The following TENM2 variants were observed in gnomAD, a reference collection of about 807,000 sequenced individuals.
TENM2 encodes the protein teneurin transmembrane protein 2.
TENM2 carries 52 observed loss-of-function variants against 245.2 expected under a neutral mutation model. The observed-to-expected ratio is 0.21, with a 90% CI of 0.17 to 0.27. The LOEUF (loss-of-function observed/expected upper bound fraction) is 0.27, where lower values mean the gene tolerates loss of function less well. Among genes scored for constraint, TENM2 ranks in the 10% least tolerant of loss-of-function variants. TENM2 has a pLI of 1.00. For missense variants in TENM2, 3,046 were observed against 3,666.8 expected, an observed-to-expected ratio of 0.83 and a Z score of 4.37; for synonymous variants, 1,363 against 1,438.9, an observed-to-expected ratio of 0.95 and a Z score of 1.19.
the TENM2 span, among the ~76,000 whole-genome samples, chr5:167,164,778 G>A: frequency 2.6e-5 from 4 of 152,112 alleles, no homozygotes; most frequent in East Asian, 1.9e-4. Context: ...CTCGAATCTC[G>A]AATGACTCAG....
At chr5:168,236,955 TATATATATATATATATATATATATATA>T (rs1765492450) in intron 25 of TENM2, among the ~76,000 whole-genome samples, 1 of 4,142 alleles carries the variant, frequency 2.4e-4, no homozygotes, top group Non-Finnish European at 7.6e-4. Context: ...TATATATATA[TATATATATATATATATATATATATATA>T]TATATATATA....
chr5:167,302,520 G>T (rs1010492851), intron 1 of TENM2, among the ~76,000 whole-genome samples: 2 of 150,150 alleles, frequency 1.3e-5, no homozygotes, highest in African/African-American at 5.0e-5. Flanking sequence ...AGAGGTCGGG[G>T]CATGGAAATA....
chr5:167,640,096 G>T (rs989256691), intron 2 of TENM2, among the ~76,000 whole-genome samples: 3 of 152,070 alleles, frequency 2.0e-5, no homozygotes, highest in Non-Finnish European at 2.9e-5. Flanking sequence ...AATCTGTCTG[G>T]TTGTGGTTGT....
chr5:168,158,850 T>TATATATATATATATATATATATAC (rs1339051385), intron 12 of TENM2, among the ~76,000 whole-genome samples: 6 of 62,320 alleles, frequency 9.6e-5, no homozygotes, highest in South Asian at 4.5e-4. Flanking sequence ...TATATATATA[T>TATATATATATATATATATATATAC]ACACACACAC....
At chr5:168,088,242 C>T (rs1259118273) in intron 7 of TENM2, 1 of 152,184 alleles carries the variant, frequency 6.6e-6, no homozygotes, top group Non-Finnish European at 1.5e-5. Flanking sequence ...AAGGAAGTTA[C>T]AGCCATTCCT....
At chr5:167,885,246 A>G (rs530276335) in intron 3 of TENM2, among the ~76,000 whole-genome samples, 1 of 152,226 alleles carries the variant, frequency 6.6e-6, no homozygotes, top group African/African-American at 2.4e-5. Flanking sequence ...AAAAGTTTTT[A>G]ATCTTGGTGT....
At chr5:167,254,843 C>G in the TENM2 span, among the ~76,000 whole-genome samples, 1 of 151,906 alleles carries the variant, frequency 6.6e-6, no homozygotes, top group Non-Finnish European at 1.5e-5. Context: ...AGGACAGACC[C>G]TTTTAGGAAG....
At chr5:167,329,551 CAAAAAA>C (rs34165505) in intron 1 of TENM2, among the ~76,000 whole-genome samples, 1 of 21,946 alleles carries the variant, frequency 4.6e-5, no homozygotes, top group Non-Finnish European at 7.8e-5. Flanking sequence ...GACTCAGTCT[CAAAAAA>C]AAAAAAAAAA....
intron 2 of TENM2, among the ~76,000 whole-genome samples, chr5:167,850,750 A>T (rs1449402987): frequency 9.9e-5 from 15 of 152,082 alleles, no homozygotes; most frequent in Admixed American, 9.8e-4. Flanking sequence ...TCTCCAAACC[A>T]CCTGGGCTGT....
intron 17 of TENM2, among the ~76,000 whole-genome samples, chr5:168,200,608 G>A (rs1343491675): frequency 6.6e-6 from 1 of 152,152 alleles, no homozygotes; most frequent in Non-Finnish European, 1.5e-5. Flanking sequence ...GGTGGTCAGG[G>A]GCTAGTTCAT....
intron 2 of TENM2, among the ~76,000 whole-genome samples, chr5:167,541,640 T>C (rs1303551919): frequency 6.6e-6 from 1 of 152,162 alleles, no homozygotes; most frequent in Non-Finnish European, 1.5e-5. Context: ...TTCAAATTGC[T>C]TTAAGTGTTC....
intron 2 of TENM2, among the ~76,000 whole-genome samples, chr5:167,857,519 G>T (rs908537169): frequency 6.6e-6 from 1 of 152,162 alleles, no homozygotes; most frequent in Non-Finnish European, 1.5e-5. Flanking sequence ...TGTTCATACA[G>T]GCCTACAGTA....
intron 2 of TENM2, among the ~76,000 whole-genome samples, chr5:167,398,350 C>T (rs996584784): frequency 2.7e-5 from 4 of 149,488 alleles, no homozygotes; most frequent in Non-Finnish European, 5.9e-5. Flanking sequence ...TCTTTCTTTC[C>T]TTCTTTCTTT....
chr5:168,263,125 G>A (rs190544137), downstream of TENM2: 10 of 272,292 alleles, frequency 3.7e-5, no homozygotes, highest in East Asian at 3.2e-4. Context: ...GAAAAGAGAC[G>A]CAAAGTGTCC....
chr5:167,225,738 G>T, the TENM2 span, among the ~76,000 whole-genome samples: 2 of 152,008 alleles, frequency 1.3e-5, no homozygotes, highest in African/African-American at 2.4e-5. Context: ...GAGAAGGATT[G>T]GTTTTCTTTC....
At chr5:167,302,017 G>A (rs1466112671) in intron 1 of TENM2, among the ~76,000 whole-genome samples, 1 of 152,076 alleles carries the variant, frequency 6.6e-6, no homozygotes, top group African/African-American at 2.4e-5. Context: ...AAAGACTCAC[G>A]ACGCTTGGGG....
At chr5:167,915,225 G>A (rs1776845375) in intron 3 of TENM2, among the ~76,000 whole-genome samples, 1 of 151,938 alleles carries the variant, frequency 6.6e-6, no homozygotes. Context: ...GTCCATTACT[G>A]CAAAAAAAGG....
the TENM2 span, among the ~76,000 whole-genome samples, chr5:167,084,173 C>A: frequency 3.3e-5 from 5 of 150,820 alleles, no homozygotes; most frequent in Admixed American, 1.3e-4. Flanking sequence ...CACACTTTCT[C>A]AAGTTCCCTG....
At chr5:167,589,125 A>G (rs1324540563) in intron 2 of TENM2, among the ~76,000 whole-genome samples, 1 of 151,342 alleles carries the variant, frequency 6.6e-6, no homozygotes, top group African/African-American at 2.4e-5. Context: ...TCACTTGTAC[A>G]TGGGAGGTGG....
Sources: gnomAD v4.1 joint callset for allele counts (sites outside exome capture counted in the v4.1 genomes callset) on GRCh38, gnomAD v4.1.1 for gene constraint, MANE v1.5 for transcripts, NCBI Gene and HGNC (gene_info 2026-07-23, HGNC 2026-07-21) for gene names.